ICAM5: variants seen among roughly 807,000 people sequenced by gnomAD.
ICAM5 encodes the protein intercellular adhesion molecule 5.
ICAM5 carries 38 observed loss-of-function variants against 78.8 expected under a neutral mutation model. The observed-to-expected ratio is 0.48, with a 90% CI of 0.37 to 0.63. The LOEUF is 0.63. Among genes scored for constraint, ICAM5 ranks in the 30% least tolerant of loss-of-function variants. The pLI, the probability that ICAM5 is intolerant of heterozygous loss-of-function variation, is 0.00. For missense variants in ICAM5, 1,059 were observed against 1,303.0 expected (o/e 0.81, Z 2.88); for synonymous variants, 544 against 590.9 (o/e 0.92, Z 1.15).
Position 10,291,205 on chromosome 19 carries a change from C to G in ICAM5, c.216C>G (p.Arg72=). 6.2e-7 allele frequency: 1 copy of G among 1,612,310 alleles called. No individual in the cohort carries two copies. Among genetic ancestry groups the G allele is most frequent in the East Asian group, 2.2e-5 (1 of 44,874 alleles). ...PERGGLETSL[R]RNGTQRGLRW... ...GCGGTGGCCTGGAGACCTCGCTGCG[C>G]CGAAACGGGACCCAGAGGGGTTTGC... Residue 72 remains arginine (R), a synonymous_variant, in exon 2 of 11, where the codon CGC becomes CGG. Transcript: ENST00000221980.
intron 3 of ICAM5, 37 bp from the exon 4 acceptor site, chr19:10,291,998 C>T: frequency 1.9e-6 from 3 of 1,597,800 alleles, no homozygotes; most frequent in Non-Finnish European, 1.7e-6. Context: ...ATATTGAGCG[C>T]TCGGAGTTAG....
chr19:10,290,122 T>C lies in ICAM5; in HGVS notation c.79T>C (p.Ser27Pro), dbSNP rs1210067941. The change falls in exon 1 of 11, where the codon TCA becomes CCA. Residue 27 changes from serine (S) to proline (P), a missense_variant. This residue lies in a region of ICAM5 where 815 missense variants were observed against 952.8 expected (regional missense o/e 0.86). Coordinates refer to ENST00000221980, the MANE Select transcript of ICAM5 (RefSeq NM_003259.4). The surrounding 1 kb of genome is among the most constrained non-coding windows in gnomAD (Gnocchi z 5.7). ...AALGLGLFGL[S>P]AVSQEPFWAD... is the part of the protein sequence containing the mutation. ...TCTGGGCCTGGGGCTCTTCGGCCTC[T>C]CAGGTAAGAGCCCCGCTCTGGTTCG... The C allele has an allele frequency of 2.6e-6, 4 of 1,528,552 alleles. No individual in the cohort carries two copies. Among genetic ancestry groups the C allele is most frequent in the Non-Finnish European group, 3.5e-6 (4 of 1,136,220 alleles). The allele number at this position is 1,528,552 out of a possible 1,614,324, so 94.7% of individuals were successfully genotyped here.
chr19:10,295,426 G>A lies in ICAM5; in HGVS notation c.2311G>A (p.Ala771Thr), dbSNP rs761793606. Reference sequence around the variant, plus strand: ...AGGAAACTTCACGTTGACCTGCCGCGCGGAGGCCTGGCCTCCAGCCCAGAT... The same window carrying A: ...AGGAAACTTCACGTTGACCTGCCGCACGGAGGCCTGGCCTCCAGCCCAGAT... ...PGGNFTLTCR[A>T]EAWPPAQISW... is the part of the protein sequence containing the mutation. The change falls in exon 10 of 11, where the codon GCG (alanine) becomes ACG (threonine). Residue 771 changes from alanine to threonine, a missense_variant. Physicochemically the swap from Ala to Thr is moderately conservative, Grantham distance 58. This residue lies in a region of ICAM5 where 135 missense variants were observed against 230.2 expected (regional missense o/e 0.59). Transcript: ENST00000221980. 7 of 1,607,526 alleles carry A rather than the reference G, an allele frequency of 4.4e-6. No homozygotes were observed. The highest frequency in any genetic ancestry group is 5.1e-6 in the Non-Finnish European group (6 of 1,178,548).
Position 10,295,356 on chromosome 19 carries a change from G to A in ICAM5, c.2241G>A (p.Val747=), listed in dbSNP as rs779826713. The A allele has an allele frequency of 6.4e-7, 1 of 1,562,666 alleles. No homozygotes were observed. Among genetic ancestry groups the A allele is most frequent in the Non-Finnish European group, 8.6e-7 (1 of 1,159,004 alleles). Residue 747 remains valine, a synonymous_variant, in exon 10 of 11, where the codon GTG becomes GTA. Coordinates refer to ENST00000221980, the MANE Select transcript of ICAM5 (RefSeq NM_003259.4). ...TTCTGTGCCCTTCAGACCGGCCAGTGGTGGCCGAACTTGCTGCCTCGCCCC... is the reference window on the plus strand; with the variant it reads ...TTCTGTGCCCTTCAGACCGGCCAGTAGTGGCCGAACTTGCTGCCTCGCCCC... ...TVTVGVEYRP[V]VAELAASPPG...
Position 10,292,228 on chromosome 19 carries a change from A to G in ICAM5, c.867A>G (p.Thr289=). Residue 289 remains threonine, a synonymous_variant, in exon 4 of 11, where the codon ACA becomes ACG. Transcript: ENST00000221980. ...CATTCGTGGCCACTGCCACAGCCAC[A>G]GCTAGCGCAGAGCAGGAGGGTGCCA... ...GDAFVATATA[T]ASAEQEGARQ... is the part of the protein sequence containing the mutation. 6.2e-7 allele frequency: 1 copy of G among 1,613,104 alleles called. No individual in the cohort carries two copies. Among genetic ancestry groups the G allele is most frequent in the Non-Finnish European group, 8.5e-7 (1 of 1,179,908 alleles).
chr19:10,291,263 G>C lies in ICAM5; in HGVS notation c.274G>C (p.Glu92Gln). The C allele has an allele frequency of 1.2e-6, 2 of 1,612,522 alleles. No individual in the cohort carries two copies. The highest frequency in any genetic ancestry group is 2.7e-5 in the African/African-American group (2 of 75,056). ...WLARQLVDIR[E>Q]PETQPVCFFR... ...GGCGCGGCAGCTGGTGGACATTCGC[G>C]AGCCGGAGACTCAGCCCGTCTGCTT... The change falls in exon 2 of 11, where the codon GAG becomes CAG. Residue 92 changes from glutamate (E) to glutamine (Q), a missense_variant. This residue lies in a region of ICAM5 where 815 missense variants were observed against 952.8 expected (regional missense o/e 0.86). Coordinates refer to ENST00000221980, the MANE Select transcript of ICAM5 (RefSeq NM_003259.4).
rs1317378166 is a variant in ICAM5, at chr19:10,293,721, G to A, written c.1489G>A (p.Gly497Ser). The change falls in exon 7 of 11, where the codon GGC becomes AGC. Residue 497 changes from glycine to serine, a missense_variant. Gly to Ser is a moderately conservative substitution (Grantham distance 56, BLOSUM62 0). This residue lies in a region of ICAM5 where 815 missense variants were observed against 952.8 expected (regional missense o/e 0.86). Coordinates refer to ENST00000221980, the MANE Select transcript of ICAM5 (RefSeq NM_003259.4). The surrounding 1 kb of genome is among the most constrained non-coding windows in gnomAD (Gnocchi z 5.0). ...AGACGCACCAGCGCTGGACAGCGTG[G>A]GCTGCCCAGAACGCATTACTTGGCT... ...VEYAPALDSVGCPERITWLEG... is the reference protein window; with the variant it reads ...VEYAPALDSVSCPERITWLEG... 2 of 1,613,746 alleles carry A rather than the reference G, an allele frequency of 1.2e-6. No homozygotes were observed. Among genetic ancestry groups the A allele is most frequent in the Admixed American group, 3.3e-5 (2 of 60,008 alleles).
chr19:10,292,878 A>G lies in ICAM5; in HGVS notation c.1216+12A>G, dbSNP rs1236772791. The G allele has an allele frequency of 6.2e-7, 1 of 1,609,104 alleles. No homozygotes were observed. The highest frequency in any genetic ancestry group is 8.5e-7 in the Non-Finnish European group (1 of 1,177,410). On this transcript the variant is annotated intron_variant, in intron 5 of 10. Transcript: ENST00000221980. ...GCTTCGTGTCCTATGTGAGTTGGTG[A>G]TAACCCCTCGCCCCCCACCTTCTGG...
Position 10,292,678 on chromosome 19 carries a change from C to A in ICAM5, c.1028C>A (p.Thr343Asn), listed in dbSNP as rs753340425. 1.9e-6 allele frequency: 3 copies of A among 1,609,994 alleles called. No homozygotes were observed. Among genetic ancestry groups the A allele is most frequent in the South Asian group, 2.2e-5 (2 of 90,974 alleles). Residue 343 changes from threonine (T) to asparagine (N), a missense_variant, in exon 5 of 11, where the codon ACC becomes AAC. Around this residue, in one of 3 missense-constraint regions of ICAM5, gnomAD observed 815 missense variants for 952.8 expected, o/e 0.86. Transcript: ENST00000221980. The stretch of plus-strand genomic sequence containing the variant: ...TCCGAGGGGCAGATGGTGACAGTAA[C>A]CTGCGCAGCTGGGGCCCAAGCTCTG... ...SVSEGQMVTV[T>N]CAAGAQALVT... is the part of the protein sequence containing the mutation.
rs1012795343 is a variant in ICAM5, at chr19:10,294,702, G to A, written c.2230+62G>A. The stretch of plus-strand genomic sequence containing the variant: ...CCTCGGAAGAATGACTCGCAGCGGT[G>A]GGAGCATTCAAGGGCACCTCTCCCA... On this transcript the variant is annotated intron_variant, in intron 9 of 10. Coordinates refer to ENST00000221980, the MANE Select transcript of ICAM5 (RefSeq NM_003259.4). The surrounding 1 kb of genome is among the most constrained non-coding windows in gnomAD (Gnocchi z 7.7). 5.0e-5 allele frequency: 80 copies of A among 1,604,972 alleles called. No individual in the cohort carries two copies. The Admixed American group carries it at 5.8e-4, about 12-fold the overall frequency.
At position 10,289,986 on chromosome 19, in the gene ICAM5, C is replaced by A; in HGVS notation, c.-58C>A. The A allele has an allele frequency of 6.9e-7, 1 of 1,444,910 alleles. No individual in the cohort carries two copies. Among genetic ancestry groups the A allele is most frequent in the Non-Finnish European group, 9.3e-7 (1 of 1,069,818 alleles). The allele number at this position is 1,444,910 out of a possible 1,614,324, so 89.5% of individuals were successfully genotyped here. On this transcript the variant is annotated 5_prime_UTR_variant, in exon 1 of 11. Transcript: ENST00000221980. ...CCGCCGCGCCGCGCGGAGCCGTCCT[C>A]TAGCCCAGCTCCTCGGCTCGCGCTC...
In ICAM5 at chr19:10,292,799, C is replaced by T; in HGVS notation, c.1149C>T (p.Cys383=). The change falls in exon 5 of 11, where the codon TGC becomes TGT. Residue 383 remains cysteine (C), a synonymous_variant. Coordinates refer to ENST00000221980, the MANE Select transcript of ICAM5 (RefSeq NM_003259.4). ...ACGACGACAGACGCAGCTTCTTCTG[C>T]GACGCCACCCTCGATGTGGACGGGG... ...TENDDRRSFF[C]DATLDVDGET... is the part of the protein sequence containing the mutation. 6.2e-7 allele frequency: 1 copy of T among 1,613,472 alleles called. No homozygotes were observed. The highest frequency in any genetic ancestry group is 1.1e-5 in the South Asian group (1 of 91,084).
intron 4 of ICAM5, 109 bp downstream of exon 4, chr19:10,292,431 G>GCCCAGAGCAGACGCTGCGCT: frequency 7.1e-7 from 1 of 1,398,724 alleles, no homozygotes; most frequent in Non-Finnish European, 9.7e-7. Context: ...TGGCCCGAGG[G>GCCCAGAGCAGACGCTGCGCT]GCGGGGCAGG....
Position 10,291,766 on chromosome 19 carries a change from A to G in ICAM5, c.630A>G (p.Gly210=). The G allele has an allele frequency of 1.2e-6, 2 of 1,612,374 alleles. No individual in the cohort carries two copies. Among genetic ancestry groups the G allele is most frequent in the Non-Finnish European group, 1.7e-6 (2 of 1,179,886 alleles). Residue 210 remains glycine (G), a synonymous_variant, in exon 3 of 11, where the codon GGA becomes GGG. Coordinates refer to ENST00000221980, the MANE Select transcript of ICAM5 (RefSeq NM_003259.4). The part of the protein sequence containing the change: ...AELDLRPHGL[G]LFENSSAPRE... ...TGGACCTGCGGCCGCACGGACTGGGACTGTTTGAAAACAGCTCGGCCCCCA... is the reference window on the plus strand; with the variant it reads ...TGGACCTGCGGCCGCACGGACTGGGGCTGTTTGAAAACAGCTCGGCCCCCA...
Position 10,295,413 on chromosome 19 carries a change from G to C in ICAM5, c.2298G>C (p.Thr766=), listed in dbSNP as rs760862700. ...GCGTGCGCCCAGGAGGAAACTTCAC[G>C]TTGACCTGCCGCGCGGAGGCCTGGC... ...PGGVRPGGNF[T]LTCRAEAWPP... is the part of the protein sequence containing the mutation. Residue 766 remains threonine, a synonymous_variant, in exon 10 of 11, where the codon ACG becomes ACC. Coordinates refer to ENST00000221980, the MANE Select transcript of ICAM5 (RefSeq NM_003259.4). The C allele has an allele frequency of 6.2e-7, 1 of 1,607,218 alleles. No individual in the cohort carries two copies. Among genetic ancestry groups the C allele is most frequent in the Admixed American group, 1.7e-5 (1 of 59,578 alleles).
At position 10,296,643 on chromosome 19, in the gene ICAM5, G is replaced by A. The variant is rs2040223318; in HGVS notation, c.*27G>A. The A allele has an allele frequency of 1.7e-6, 2 of 1,208,966 alleles. No individual in the cohort carries two copies. Among genetic ancestry groups the A allele is most frequent in the Non-Finnish European group, 1.0e-6 (1 of 970,520 alleles). 74.9% of individuals were successfully genotyped at this position (1,208,966 alleles called of 1,614,324 possible). A position where few individuals can be genotyped will look rare whatever the true frequency, so the allele number is the denominator to read the frequency against. ...CCCGCTCCCCTCTCCCCGCGGGCCGGGGGACGCCCCCCAGACTCACACGGG... is the reference window on the plus strand; with the variant it reads ...CCCGCTCCCCTCTCCCCGCGGGCCGAGGGACGCCCCCCAGACTCACACGGG... On this transcript the variant is annotated 3_prime_UTR_variant, in exon 11 of 11. Transcript: ENST00000221980.
At position 10,296,454 on chromosome 19, in the gene ICAM5, C is replaced by T. The variant is rs1599282931; in HGVS notation, c.2613C>T (p.Asn871=). 7 of 1,325,856 alleles carry T rather than the reference C, an allele frequency of 5.3e-6. No individual in the cohort carries two copies. Among genetic ancestry groups the T allele is most frequent in the South Asian group, 2.0e-5 (1 of 49,636 alleles). The allele number at this position is 1,325,856 out of a possible 1,614,324, so 82.1% of individuals were successfully genotyped here. A position where few individuals can be genotyped will look rare whatever the true frequency, so the allele number is the denominator to read the frequency against. ...CCGCCTGCAAGAAGGGCGAGTACAA[C>T]GTGCAGGAGGCCGAGAGCTCAGGCG... ...QSTACKKGEY[N]VQEAESSGEA... Residue 871 remains asparagine (N), a synonymous_variant, in exon 11 of 11, where the codon AAC becomes AAT. Coordinates refer to ENST00000221980, the MANE Select transcript of ICAM5 (RefSeq NM_003259.4).
intron 9 of ICAM5, among the ~76,000 whole-genome samples, chr19:10,295,016 C>T (rs2145031406): frequency 6.6e-6 from 1 of 152,304 alleles, no homozygotes; most frequent in Non-Finnish European, 1.5e-5. Context: ...GAGATCCCGC[C>T]ACTGCACTCC....
Position 10,290,682 on chromosome 19 carries a change from C to T in ICAM5, c.83-390C>T. ...TTTGCCCTTGCCGCAAACGCACTCT[C>T]CTCGTATCCCGGCATTCTGCCAGGA... On this transcript the variant is annotated intron_variant, in intron 1 of 10. Transcript: ENST00000221980. The surrounding 1 kb of genome is among the most constrained non-coding windows in gnomAD (Gnocchi z 5.7). The T allele has an allele frequency of 3.4e-6, 1 of 296,906 alleles. No individual in the cohort carries two copies. Among genetic ancestry groups the T allele is most frequent in the Non-Finnish European group, 6.3e-6 (1 of 158,494 alleles). The allele number at this position is 296,906 out of a possible 1,614,324, so 18.4% of individuals were successfully genotyped here.
Sources: gnomAD v4.1 joint callset for allele counts (sites outside exome capture counted in the v4.1 genomes callset) on GRCh38, gnomAD v4.1.1 for gene constraint, gnomAD v4.1.1 regional missense constraint, Gnocchi (gnomAD v3.1) non-coding constraint, MANE v1.5 for transcripts, NCBI Gene and HGNC (gene_info 2026-07-23, HGNC 2026-07-21) for gene names.